EYS: variants seen among roughly 807,000 people sequenced by gnomAD.
The protein encoded by EYS is EGF-like photoreceptor maintenance factor, also known as protein eyes shut homolog.
In EYS, 250 loss-of-function variants were observed where a neutral mutation model predicts 282.1. That is an observed-to-expected ratio of 0.89 (90% CI 0.80 to 0.98). The LOEUF (loss-of-function observed/expected upper bound fraction) is 0.98, where lower values mean the gene tolerates loss of function less well. EYS is among the 50% of genes least tolerant of loss of function. The pLI is 0.00. For missense variants in EYS, 4,016 were observed against 3,709.0 expected, an observed-to-expected ratio of 1.08 and a Z score of -2.15; for synonymous variants, 1,355 against 1,282.9, an observed-to-expected ratio of 1.06 and a Z score of -1.20.
At chr6:65,289,328 T>G (rs1162789829) in intron 12 of EYS, among the ~76,000 whole-genome samples, 1 of 151,036 alleles carries the variant, frequency 6.6e-6, no homozygotes, top group Non-Finnish European at 1.5e-5. Context: ...TTTGTGTGTA[T>G]GTATATACAT....
chr6:65,605,032 C>CG (rs1468738658), intron 2 of EYS, among the ~76,000 whole-genome samples: 1 of 138,510 alleles, frequency 7.2e-6, no homozygotes, highest in Non-Finnish European at 1.5e-5. Flanking sequence ...TTTGTAGAGA[C>CG]GGGGGTCTCA....
At chr6:65,545,764 A>C (rs868495306) in intron 2 of EYS, among the ~76,000 whole-genome samples, 42 of 152,304 alleles carry the variant, frequency 2.8e-4, no homozygotes, top group Middle Eastern at 3.4e-3. Context: ...TTAATAGTTA[A>C]GAAAGACCAT....
intron 31 of EYS, among the ~76,000 whole-genome samples, chr6:64,168,177 C>G (rs866557227): frequency 6.6e-6 from 1 of 152,274 alleles, no homozygotes; most frequent in African/African-American, 2.4e-5. Context: ...AGGAGAATGG[C>G]GTGAACCCGG....
At chr6:64,797,760 C>T (rs1774403386) in intron 22 of EYS, among the ~76,000 whole-genome samples, 1 of 151,918 alleles carries the variant, frequency 6.6e-6, no homozygotes, top group Admixed American at 6.6e-5. Flanking sequence ...GTTAAAACTA[C>T]AGTGCCTGGA....
chr6:65,612,292 CA>C (rs1216452526), intron 2 of EYS, among the ~76,000 whole-genome samples: 2 of 151,026 alleles, frequency 1.3e-5, no homozygotes, highest in Non-Finnish European at 3.0e-5. Flanking sequence ...CTATTTTAAT[CA>C]AAAGATAATT....
intron 36 of EYS, chr6:63,857,654 TG>T: frequency 2.2e-6 from 1 of 450,054 alleles, no homozygotes. Flanking sequence ...AGACTTGAAC[TG>T]GATGCTACTC....
chr6:64,826,630 ATAT>A (rs1765066306), intron 19 of EYS, among the ~76,000 whole-genome samples: 1 of 150,316 alleles, frequency 6.7e-6, no homozygotes, highest in East Asian at 1.9e-4. Context: ...TGCATCAACA[ATAT>A]TATAATAGAA....
chr6:64,203,548 T>C (rs746693181), intron 31 of EYS, among the ~76,000 whole-genome samples: 1 of 152,190 alleles, frequency 6.6e-6, no homozygotes, highest in African/African-American at 2.4e-5. Flanking sequence ...AGCTCATGCA[T>C]GCATGGCTTC....
chr6:64,450,449 C>T (rs1049204555), intron 26 of EYS, among the ~76,000 whole-genome samples: 10 of 152,060 alleles, frequency 6.6e-5, no homozygotes, highest in Non-Finnish European at 8.8e-5. Flanking sequence ...GACAGATCAA[C>T]GAGACAGAAA....
intron 26 of EYS, among the ~76,000 whole-genome samples, chr6:64,567,161 A>T (rs1765590895): frequency 6.6e-6 from 1 of 151,886 alleles, no homozygotes; most frequent in South Asian, 2.1e-4. Flanking sequence ...AAAAAAAAAA[A>T]TTCCTACCAA....
chr6:63,952,873 T>C (rs1391594271), intron 35 of EYS, among the ~76,000 whole-genome samples: 1 of 152,092 alleles, frequency 6.6e-6, no homozygotes, highest in Non-Finnish European at 1.5e-5. Context: ...CAATATCCCA[T>C]CCCACAGCAT....
chr6:64,372,290 C>T (rs916481302), intron 29 of EYS, among the ~76,000 whole-genome samples: 1 of 151,830 alleles, frequency 6.6e-6, no homozygotes, highest in African/African-American at 2.4e-5. Flanking sequence ...TTCTCCTTTG[C>T]TTACGAAGCT....
At chr6:64,138,204 C>T (rs1440388564) in intron 31 of EYS, among the ~76,000 whole-genome samples, 3 of 151,844 alleles carry the variant, frequency 2.0e-5, no homozygotes, top group East Asian at 1.9e-4. Context: ...AAGTCGTAGA[C>T]GAGGAAGGGT....
chr6:65,525,495 T>C (rs577627969), intron 2 of EYS, among the ~76,000 whole-genome samples: 1 of 152,318 alleles, frequency 6.6e-6, no homozygotes, highest in Non-Finnish European at 1.5e-5. Context: ...TTCCCAGCCT[T>C]CTGATTCCCC....
intron 26 of EYS, among the ~76,000 whole-genome samples, chr6:64,465,446 A>C (rs778963793): frequency 6.6e-6 from 1 of 152,176 alleles, no homozygotes; most frequent in Non-Finnish European, 1.5e-5. Context: ...CAGAGAGTCC[A>C]GAAACAAATA....
intron 2 of EYS, among the ~76,000 whole-genome samples, chr6:65,569,288 G>A (rs1490309434): frequency 1.3e-5 from 2 of 151,192 alleles, no homozygotes; most frequent in Non-Finnish European, 2.9e-5. Context: ...GCTATAAAAC[G>A]GCCCCACCCT....
chr6:64,299,539 A>G (rs1769157468), intron 30 of EYS, among the ~76,000 whole-genome samples: 1 of 152,160 alleles, frequency 6.6e-6, no homozygotes, highest in Admixed American at 6.5e-5. Context: ...GAAGGTGAAA[A>G]GGACTGTGCA....
intron 12 of EYS, among the ~76,000 whole-genome samples, chr6:65,269,394 T>C (rs573559686): frequency 8.5e-5 from 13 of 152,110 alleles, no homozygotes; most frequent in African/African-American, 3.1e-4. Flanking sequence ...AAGGGGGATG[T>C]CATCTCCAGA....
chr6:65,569,990 A>T (rs1424739733), intron 2 of EYS, among the ~76,000 whole-genome samples: 1 of 152,170 alleles, frequency 6.6e-6, no homozygotes, highest in Non-Finnish European at 1.5e-5. Flanking sequence ...TGGAAGGACA[A>T]GGGAGTTGGA....
Sources: gnomAD v4.1 joint callset for allele counts (sites outside exome capture counted in the v4.1 genomes callset) on GRCh38, gnomAD v4.1.1 for gene constraint, MANE v1.5 for transcripts, NCBI Gene and HGNC (gene_info 2026-07-23, HGNC 2026-07-21) for gene names.